Variants in LRRC7 observed in about 807,000 individuals in gnomAD.
The protein encoded by LRRC7 is leucine rich repeat containing 7.
LRRC7 carries 23 observed loss-of-function variants against 175.7 expected under a neutral mutation model. The ratio of observed to expected loss-of-function variants is 0.13; its 90% CI spans 0.09 to 0.19. The LOEUF is 0.19. LRRC7 is among the 10% of genes least tolerant of loss of function. The pLI is 1.00. For synonymous variants in LRRC7, 685 were observed against 680.9 expected, an observed-to-expected ratio of 1.01 and a Z score of -0.09; for missense variants, 1,354 against 1,904.7, an observed-to-expected ratio of 0.71 and a Z score of 5.38.
chr1:70,095,741 A>G (rs1664340083), intron 25 of LRRC7, among the ~76,000 whole-genome samples: 1 of 152,208 alleles, frequency 6.6e-6, no homozygotes, highest in Admixed American at 6.5e-5. Flanking sequence ...GTCACTAAAA[A>G]GTATCAGTGT....
At chr1:69,711,665 C>G (rs1453636972) in intron 2 of LRRC7, among the ~76,000 whole-genome samples, 4 of 152,180 alleles carry the variant, frequency 2.6e-5, no homozygotes. Context: ...GCATTCAAAT[C>G]TGGCCTATTT....
At chr1:69,572,156 G>T (rs964346298) in intron 1 of LRRC7, among the ~76,000 whole-genome samples, 9 of 152,064 alleles carry the variant, frequency 5.9e-5, no homozygotes, top group Non-Finnish European at 1.0e-4. Flanking sequence ...GCCACGGAAA[G>T]ATATCATTGG....
At chr1:69,870,639 G>A (rs1685435687) in intron 7 of LRRC7, among the ~76,000 whole-genome samples, 1 of 151,940 alleles carries the variant, frequency 6.6e-6, no homozygotes, top group Admixed American at 6.6e-5. Context: ...AATTCCCGAT[G>A]CCTAGAATTC....
intron 21 of LRRC7, 120 bp from the exon 22 acceptor site, chr1:70,043,834 T>A (rs914707908): frequency 8.3e-7 from 1 of 1,210,020 alleles, no homozygotes; most frequent in Non-Finnish European, 1.1e-6. Flanking sequence ...CATGTTTTTT[T>A]AAAAAGTTAC....
At chr1:69,752,271 G>C (rs1259700479) in intron 2 of LRRC7, among the ~76,000 whole-genome samples, 1 of 152,082 alleles carries the variant, frequency 6.6e-6, no homozygotes, top group African/African-American at 2.4e-5. Flanking sequence ...TGAGGAAAAA[G>C]GTTTCTCAAT....
In LRRC7 at chr1:69,781,759, GAGAGAGAA is replaced by G. The variant is rs1391388263; in HGVS notation, c.304-10280_304-10273del. ...AGAGAGAGAGAGAGAGAGAGAGAGA[GAGAGAGAA>G]AGAAAGAAAGAAAGAAAGAAAGGAA... On this transcript the variant is annotated intron_variant, in intron 3 of 26. Coordinates refer to ENST00000651989, the MANE Select transcript of LRRC7 (RefSeq NM_001370785.2). Among the ~76,000 whole-genome samples the G allele has an allele frequency of 1.2e-3, 50 of 42,178 alleles. 6 individuals carry two copies. Among genetic ancestry groups the G allele is most frequent in the African/African-American group, 2.5e-3 (17 of 6,716 alleles). The allele number at this position is 42,178 out of a possible 152,430, so 27.7% of individuals were successfully genotyped here.
At chr1:70,121,471 A>G (rs1163493280) in intron 26 of LRRC7, among the ~76,000 whole-genome samples, 1 of 152,074 alleles carries the variant, frequency 6.6e-6, no homozygotes, top group Non-Finnish European at 1.5e-5. Flanking sequence ...CCCTGCAAAA[A>G]CAAATCAGGA....
intron 25 of LRRC7, among the ~76,000 whole-genome samples, 171 bp downstream of exon 25, chr1:70,089,990 C>T (rs1282487474): frequency 2.6e-5 from 4 of 152,068 alleles, no homozygotes; most frequent in Admixed American, 6.6e-5. Context: ...TTTACTGCAG[C>T]GCTTGACACA....
intron 7 of LRRC7, among the ~76,000 whole-genome samples, chr1:69,844,790 G>A (rs1190049945): frequency 6.6e-6 from 1 of 152,002 alleles, no homozygotes; most frequent in Non-Finnish European, 1.5e-5. Flanking sequence ...GTTTTCCATA[G>A]GAGCTGTACC....
intron 8 of LRRC7, among the ~76,000 whole-genome samples, chr1:69,932,371 C>A (rs1225252044): frequency 6.6e-6 from 1 of 152,126 alleles, no homozygotes; most frequent in African/African-American, 2.4e-5. Context: ...CCTCTTTTCG[C>A]CTTATTTTCC....
intron 2 of LRRC7, among the ~76,000 whole-genome samples, chr1:69,726,956 C>G (rs1349765494): frequency 6.6e-6 from 1 of 152,060 alleles, no homozygotes; most frequent in Non-Finnish European, 1.5e-5. Context: ...AAACAGACTC[C>G]AAGGTAAAAA....
intron 2 of LRRC7, among the ~76,000 whole-genome samples, chr1:69,738,346 C>T (rs895964276): frequency 1.3e-5 from 2 of 152,042 alleles, no homozygotes; most frequent in African/African-American, 4.8e-5. Flanking sequence ...TCTTATCATC[C>T]TGTTTACCTG....
At chr1:69,714,522 A>C (rs908577628) in intron 2 of LRRC7, among the ~76,000 whole-genome samples, 2 of 152,208 alleles carry the variant, frequency 1.3e-5, no homozygotes, top group Non-Finnish European at 2.9e-5. Flanking sequence ...GAAAGGAATC[A>C]GGAAAGGCTT....
Position 69,678,374 on chromosome 1 carries a change from C to G in LRRC7, c.3-7C>G. 7.7e-6 allele frequency: 12 copies of G among 1,562,522 alleles called. No homozygotes were observed. Among genetic ancestry groups the G allele is most frequent in the Non-Finnish European group, 9.6e-6 (11 of 1,145,228 alleles). On this transcript the variant is annotated splice_polypyrimidine_tract_variant and splice_region_variant and intron_variant, in intron 1 of 26. Coordinates refer to ENST00000651989, the MANE Select transcript of LRRC7 (RefSeq NM_001370785.2). Reference sequence around the variant, plus strand: ...TATGAAAATACTCTTCTGATTCTCTCTTATAGGATGGAGAACCTAATAAGG... The same window carrying G: ...TATGAAAATACTCTTCTGATTCTCTGTTATAGGATGGAGAACCTAATAAGG...
chr1:69,574,445 T>C (rs1461758148), intron 1 of LRRC7, among the ~76,000 whole-genome samples: 2 of 152,084 alleles, frequency 1.3e-5, no homozygotes, highest in African/African-American at 4.8e-5. Context: ...CAAAATACTT[T>C]ATAGATGCTT....
At chr1:69,578,326 AC>A (rs1646044250) in intron 1 of LRRC7, among the ~76,000 whole-genome samples, 1 of 149,660 alleles carries the variant, frequency 6.7e-6, no homozygotes, top group South Asian at 2.2e-4. Context: ...AAATAGGAAC[AC>A]TTTTACACTG....
At chr1:70,098,140 G>T (rs1327416744) in intron 25 of LRRC7, among the ~76,000 whole-genome samples, 7 of 152,060 alleles carry the variant, frequency 4.6e-5, no homozygotes, top group South Asian at 2.1e-4. Context: ...CCTGACTTTT[G>T]AATGATTGCC....
chr1:69,578,422 C>T (rs1646049320), intron 1 of LRRC7, among the ~76,000 whole-genome samples: 1 of 146,542 alleles, frequency 6.8e-6, no homozygotes, highest in Admixed American at 6.9e-5. Flanking sequence ...TACCATTTGA[C>T]CCAGCCATCC....
chr1:69,697,172 G>C (rs181713861), intron 2 of LRRC7, among the ~76,000 whole-genome samples: 1 of 152,114 alleles, frequency 6.6e-6, no homozygotes, highest in Admixed American at 6.5e-5. Flanking sequence ...TAATCAACTA[G>C]TTTTTCTATT....
Sources: allele counts gnomAD v4.1 joint callset (sites outside exome capture counted in the v4.1 genomes callset), GRCh38; gene constraint gnomAD v4.1.1; transcripts MANE v1.5; gene names NCBI Gene and HGNC (gene_info 2026-07-23, HGNC 2026-07-21).